ADRA1A: variants seen among roughly 807,000 people sequenced by gnomAD.
ADRA1A encodes the protein adrenoceptor alpha 1A.
ADRA1A carries 31 observed loss-of-function variants against 29.6 expected under a neutral mutation model. The ratio of observed to expected loss-of-function variants is 1.05; its 90% CI spans 0.79 to 1.41. ADRA1A has a LOEUF of 1.41. Among genes scored for constraint, ADRA1A ranks in the 40% most tolerant of loss-of-function variants. The pLI, the probability that ADRA1A is intolerant of heterozygous loss-of-function variation, is 0.00. For synonymous variants in ADRA1A, 311 were observed against 254.3 expected (o/e 1.22, Z -2.12); for missense variants, 619 against 601.1 (o/e 1.03, Z -0.31).
chr8:26,770,032 C>G lies in ADRA1A; in HGVS notation c.*117G>C. On this transcript the variant is annotated 3_prime_UTR_variant, in exon 3 of 3. Coordinates refer to ENST00000380573, the MANE Select transcript of ADRA1A (RefSeq NM_000680.4). ...GTTGGGTCTACCACCCACCCCATTC[C>G]CAGCAGGTCCCCTCTTTGATTGGTC... 2.0e-6 allele frequency: 3 copies of G among 1,479,156 alleles called. No homozygotes were observed. The highest frequency in any genetic ancestry group is 1.8e-6 in the Non-Finnish European group (2 of 1,117,930). 91.6% of individuals were successfully genotyped at this position (1,479,156 alleles called of 1,614,324 possible). A position where few individuals can be genotyped will look rare whatever the true frequency, so the allele number is the denominator to read the frequency against.
chr8:26,822,338 G>A (rs953825784), intron 2 of ADRA1A, among the ~76,000 whole-genome samples: 2 of 152,264 alleles, frequency 1.3e-5, no homozygotes, highest in Admixed American at 6.5e-5. Flanking sequence ...TTGTTAAATT[G>A]TCTGAGGGCT....
intron 2 of ADRA1A, among the ~76,000 whole-genome samples, chr8:26,774,769 A>C (rs559510044): frequency 6.6e-6 from 1 of 151,742 alleles, no homozygotes; most frequent in Non-Finnish European, 1.5e-5. Context: ...TAGAAAGGAG[A>C]GATGGGGCTG....
intron 2 of ADRA1A, among the ~76,000 whole-genome samples, chr8:26,784,315 G>T (rs1372228216): frequency 6.6e-6 from 1 of 152,186 alleles, no homozygotes; most frequent in Non-Finnish European, 1.5e-5. Flanking sequence ...GTCGTTTCCC[G>T]CTGTCGGGAT....
At chr8:26,814,199 A>T (rs1479017600) in intron 2 of ADRA1A, among the ~76,000 whole-genome samples, 3 of 152,110 alleles carry the variant, frequency 2.0e-5, no homozygotes, top group Non-Finnish European at 2.9e-5. Context: ...GGTGAAAAAA[A>T]AAAACATACT....
rs1806519187 is a variant in ADRA1A at position 26,775,971 on chromosome 8, A to G, written c.884-5305T>C. Reference sequence around the variant, plus strand: ...ATGCTATATCCATTGGGAAAATCTGACTTCATTTTTGAACTGGGGCTCATC... The same window carrying G: ...ATGCTATATCCATTGGGAAAATCTGGCTTCATTTTTGAACTGGGGCTCATC... On this transcript the variant is annotated intron_variant, in intron 2 of 2. Coordinates refer to ENST00000380573, the MANE Select transcript of ADRA1A (RefSeq NM_000680.4). The surrounding 1 kb of genome is among the most constrained non-coding windows in gnomAD (Gnocchi z 4.1). Among the ~76,000 whole-genome samples, 1 of 152,118 alleles carries G rather than the reference A, an allele frequency of 6.6e-6. No individual in the cohort carries two copies. Among genetic ancestry groups the G allele is most frequent in the African/African-American group, 2.4e-5 (1 of 41,436 alleles).
At chr8:26,838,380 G>A (rs927198647) in intron 2 of ADRA1A, among the ~76,000 whole-genome samples, 1 of 152,134 alleles carries the variant, frequency 6.6e-6, no homozygotes, top group Non-Finnish European at 1.5e-5. Context: ...AGAAAATCCA[G>A]ACCCTTCACC....
chr8:26,757,966 A>T (rs1393457701), intron 2 of ADRA1A, among the ~76,000 whole-genome samples: 1 of 152,226 alleles, frequency 6.6e-6, no homozygotes, highest in East Asian at 1.9e-4. Flanking sequence ...TTGCTAAGTA[A>T]GTAGCCAATG....
downstream of ADRA1A, among the ~76,000 whole-genome samples, chr8:26,763,143 C>T (rs1431398634): frequency 6.6e-6 from 1 of 152,118 alleles, no homozygotes; most frequent in Non-Finnish European, 1.5e-5. The surrounding 1 kb of genome is among the most constrained non-coding windows in gnomAD (Gnocchi z 4.5). Flanking sequence ...AAATGCCCCT[C>T]ATACCCAGCA....
At chr8:26,763,702 A>G (rs1053733099), downstream of ADRA1A, among the ~76,000 whole-genome samples, 1 of 152,226 alleles carries the variant, frequency 6.6e-6, no homozygotes, top group Non-Finnish European at 1.5e-5. This position sits in a 1 kb window ranked among gnomAD's most constrained non-coding sequence, Gnocchi z 4.5. Context: ...GTTAGCTAGT[A>G]ACGGCATAGA....
At chr8:26,802,789 A>G (rs558239783) in intron 2 of ADRA1A, among the ~76,000 whole-genome samples, 1 of 152,326 alleles carries the variant, frequency 6.6e-6, no homozygotes, top group East Asian at 1.9e-4. Flanking sequence ...TTTTGGCAAC[A>G]CTATTCACAA....
chr8:26,773,789 T>G (rs1165031750), intron 2 of ADRA1A, among the ~76,000 whole-genome samples: 1 of 152,136 alleles, frequency 6.6e-6, no homozygotes, highest in African/African-American at 2.4e-5. Context: ...ATCCCTTCTT[T>G]CCTTGCGTGG....
intron 2 of ADRA1A, among the ~76,000 whole-genome samples, chr8:26,772,426 C>G (rs1036118058): frequency 1.4e-4 from 22 of 152,284 alleles, no homozygotes; most frequent in Admixed American, 2.6e-4. Flanking sequence ...TCTTGGCTCC[C>G]AAGCTCCTTT....
chr8:26,803,458 A>C (rs536248681), intron 2 of ADRA1A, among the ~76,000 whole-genome samples: 1 of 152,342 alleles, frequency 6.6e-6, no homozygotes, highest in Non-Finnish European at 1.5e-5. Context: ...ACATAAACAT[A>C]AAAGCTAAAC....
intron 2 of ADRA1A, among the ~76,000 whole-genome samples, chr8:26,818,467 G>C (rs1809917864): frequency 6.6e-6 from 1 of 152,008 alleles, no homozygotes; most frequent in Non-Finnish European, 1.5e-5. Context: ...TCCTACACGT[G>C]AACAATAGAC....
chr8:26,757,627 G>T (rs1024696710), intron 2 of ADRA1A, among the ~76,000 whole-genome samples: 1 of 152,046 alleles, frequency 6.6e-6, no homozygotes, highest in Admixed American at 6.6e-5. Context: ...AGGCTTTGGG[G>T]GTATTATGGT....
intron 2 of ADRA1A, among the ~76,000 whole-genome samples, chr8:26,778,100 G>T (rs555817446): frequency 6.6e-6 from 1 of 152,180 alleles, no homozygotes; most frequent in Non-Finnish European, 1.5e-5. Flanking sequence ...AGTCTGAGCT[G>T]CTGGAATTAA....
chr8:26,809,891 A>G (rs1809262193), intron 2 of ADRA1A, among the ~76,000 whole-genome samples: 1 of 152,244 alleles, frequency 6.6e-6, no homozygotes, highest in African/African-American at 2.4e-5. Flanking sequence ...ATTTTGGCAA[A>G]GTTCCTTGAA....
intron 2 of ADRA1A, among the ~76,000 whole-genome samples, chr8:26,791,567 C>T (rs1470068985): frequency 6.6e-6 from 1 of 151,548 alleles, no homozygotes; most frequent in Non-Finnish European, 1.5e-5. Context: ...TGCCACGAAG[C>T]CTGTTTTATA....
chr8:26,822,460 A>C (rs930219920), intron 2 of ADRA1A, among the ~76,000 whole-genome samples: 1 of 152,264 alleles, frequency 6.6e-6, no homozygotes, highest in African/African-American at 2.4e-5. Flanking sequence ...AGTCACTTAA[A>C]TTAAAATAGC....
Sources: gnomAD v4.1 joint callset for allele counts (sites outside exome capture counted in the v4.1 genomes callset) on GRCh38, gnomAD v4.1.1 for gene constraint, Gnocchi (gnomAD v3.1) non-coding constraint, MANE v1.5 for transcripts, NCBI Gene and HGNC (gene_info 2026-07-23, HGNC 2026-07-21) for gene names.